Variants in GBE1 observed in about 807,000 individuals in gnomAD.
GBE1 encodes the protein 1,4-alpha-glucan branching enzyme 1, also known as 1,4-alpha-glucan-branching enzyme.
In GBE1, 70 loss-of-function variants were observed where a neutral mutation model predicts 88.8. That is an observed-to-expected ratio of 0.79 (90% CI 0.65 to 0.96). GBE1 has a LOEUF of 0.96. Among genes scored for constraint, GBE1 ranks in the 40% least tolerant of loss-of-function variants. GBE1 has a pLI of 0.00. For missense variants in GBE1, 872 were observed against 871.0 expected (o/e 1.00, Z -0.01); for synonymous variants, 284 against 300.1 (o/e 0.95, Z 0.56).
intron 3 of GBE1, among the ~76,000 whole-genome samples, chr3:81,659,502 A>ATTTTTTTTT (rs35138103): frequency 7.9e-6 from 1 of 127,052 alleles, no homozygotes; most frequent in Non-Finnish European, 1.6e-5. Flanking sequence ...CGCCCGGCTA[A>ATTTTTTTTT]TTTTTTTTTT....
chr3:81,749,985 G>A (rs1372086929), intron 1 of GBE1, among the ~76,000 whole-genome samples: 1 of 152,056 alleles, frequency 6.6e-6, no homozygotes, highest in Admixed American at 6.6e-5. Context: ...AATACTGCAT[G>A]GGTACCATAC....
At chr3:81,741,948 G>A (rs1388673428) in intron 1 of GBE1, among the ~76,000 whole-genome samples, 1 of 150,280 alleles carries the variant, frequency 6.7e-6, no homozygotes, top group Non-Finnish European at 1.5e-5. Context: ...AGAATCTCTT[G>A]AAAATCTTGA....
intron 7 of GBE1, among the ~76,000 whole-genome samples, chr3:81,634,603 T>A (rs1704566266): frequency 6.6e-6 from 1 of 151,520 alleles, no homozygotes. Flanking sequence ...GACAGAGACT[T>A]GAGAGAGAGA....
At chr3:81,701,964 A>T (rs1340867602) in intron 2 of GBE1, among the ~76,000 whole-genome samples, 8 of 151,286 alleles carry the variant, frequency 5.3e-5, no homozygotes, top group African/African-American at 1.9e-4. Context: ...TAACTAAAAT[A>T]GTCTCAGGTC....
At chr3:81,693,991 T>C (rs536213376) in intron 2 of GBE1, among the ~76,000 whole-genome samples, 2 of 152,350 alleles carry the variant, frequency 1.3e-5, no homozygotes, top group South Asian at 4.1e-4. Flanking sequence ...AAGTCTGTAA[T>C]AATTGCTACA....
Position 81,649,791 on chromosome 3 carries a change from C to T in GBE1, c.555+5G>A, listed in dbSNP as rs777027048. ...ATAATTTATTTAAAGATTTGTTGTT[C>T]TCACCTCATATGAGTGTTCTGGATC... On this transcript the variant is annotated splice_donor_5th_base_variant and intron_variant, in intron 4 of 15. Coordinates refer to ENST00000429644, the MANE Select transcript of GBE1 (RefSeq NM_000158.4). 6.3e-7 allele frequency: 1 copy of T among 1,588,544 alleles called. No individual in the cohort carries two copies.
chr3:81,579,634 T>C (rs1289163159), intron 11 of GBE1, among the ~76,000 whole-genome samples: 1 of 152,136 alleles, frequency 6.6e-6, no homozygotes, highest in East Asian at 1.9e-4. Flanking sequence ...TCCAAATTGT[T>C]ATGTATTTGG....
intron 11 of GBE1, among the ~76,000 whole-genome samples, chr3:81,578,369 A>G (rs1387085076): frequency 6.6e-6 from 1 of 152,044 alleles, no homozygotes; most frequent in East Asian, 1.9e-4. Context: ...GTACCTGAAT[A>G]TCTGTTATAT....
chr3:81,703,539 A>C (rs1408462436), intron 2 of GBE1, among the ~76,000 whole-genome samples: 1 of 152,004 alleles, frequency 6.6e-6, no homozygotes, highest in Non-Finnish European at 1.5e-5. Context: ...ATTTTATTTT[A>C]TCTTAAGTTA....
At chr3:81,556,687 T>C (rs1703353610) in intron 12 of GBE1, among the ~76,000 whole-genome samples, 1 of 152,112 alleles carries the variant, frequency 6.6e-6, no homozygotes, top group Non-Finnish European at 1.5e-5. Flanking sequence ...ATCAAGAAGG[T>C]AAACCCTGTG....
chr3:81,552,834 C>T (rs1043961072), intron 12 of GBE1, among the ~76,000 whole-genome samples: 4 of 151,940 alleles, frequency 2.6e-5, no homozygotes, highest in Non-Finnish European at 4.4e-5. Flanking sequence ...TATTGAGAGC[C>T]TCCTATATAC....
intron 7 of GBE1, among the ~76,000 whole-genome samples, chr3:81,622,568 C>T (rs1051774032): frequency 6.6e-6 from 1 of 152,148 alleles, no homozygotes; most frequent in African/African-American, 2.4e-5. Context: ...TCCGAACCTC[C>T]CCACTAAATT....
chr3:81,656,638 T>A (rs1704943573), intron 3 of GBE1, among the ~76,000 whole-genome samples: 1 of 152,278 alleles, frequency 6.6e-6, no homozygotes. Flanking sequence ...TTAGTTGAAA[T>A]TTGTCAGTAC....
At chr3:81,612,246 T>TA in intron 7 of GBE1, 2 of 309,336 alleles carry the variant, frequency 6.5e-6, no homozygotes, top group East Asian at 1.2e-4. Context: ...AAAAAAAACT[T>TA]AAAGAAGCTC....
chr3:81,670,080 C>T (rs1277579979), intron 3 of GBE1, among the ~76,000 whole-genome samples: 1 of 152,060 alleles, frequency 6.6e-6, no homozygotes, highest in Non-Finnish European at 1.5e-5. Context: ...AATTATATGA[C>T]CATGGAGTAA....
intron 12 of GBE1, among the ~76,000 whole-genome samples, chr3:81,570,839 G>T (rs1486617328): frequency 6.6e-6 from 1 of 152,116 alleles, no homozygotes; most frequent in Non-Finnish European, 1.5e-5. Context: ...GGTTTCTAAA[G>T]AGCCTAAAAA....
chr3:81,535,734 G>T (rs1251710857), intron 13 of GBE1, among the ~76,000 whole-genome samples: 1 of 151,984 alleles, frequency 6.6e-6, no homozygotes, highest in Non-Finnish European at 1.5e-5. Flanking sequence ...AAAATTTAAT[G>T]TAACATTTTT....
intron 12 of GBE1, among the ~76,000 whole-genome samples, chr3:81,544,355 C>G (rs1280550031): frequency 6.6e-6 from 1 of 152,080 alleles, no homozygotes; most frequent in Non-Finnish European, 1.5e-5. Context: ...TGGCACTAAC[C>G]ATCAAAGCAT....
intron 15 of GBE1, among the ~76,000 whole-genome samples, chr3:81,494,252 C>T (rs959660516): frequency 7.2e-5 from 11 of 152,070 alleles, no homozygotes; most frequent in Admixed American, 5.2e-4. Context: ...AATCAATTTT[C>T]TTAGTGGTTA....
Sources: gnomAD v4.1 joint callset for allele counts (sites outside exome capture counted in the v4.1 genomes callset) on GRCh38, gnomAD v4.1.1 for gene constraint, MANE v1.5 for transcripts, NCBI Gene and HGNC (gene_info 2026-07-23, HGNC 2026-07-21) for gene names.